SORCS1: variants seen among roughly 807,000 people sequenced by gnomAD.
SORCS1 encodes the protein VPS10 domain-containing receptor SorCS1.
SORCS1 carries 60 observed loss-of-function variants against 146.1 expected under a neutral mutation model. The observed-to-expected ratio is 0.41, with a 90% CI of 0.33 to 0.51. The LOEUF is 0.51. Among genes scored for constraint, SORCS1 ranks in the 20% least tolerant of loss-of-function variants. SORCS1 has a pLI of 0.21. For synonymous variants in SORCS1, 637 were observed against 584.0 expected, an observed-to-expected ratio of 1.09 and a Z score of -1.31; for missense variants, 1,352 against 1,487.6, an observed-to-expected ratio of 0.91 and a Z score of 1.50.
At chr10:107,007,376 A>C (rs1589913700) in intron 1 of SORCS1, among the ~76,000 whole-genome samples, 1 of 152,112 alleles carries the variant, frequency 6.6e-6, no homozygotes, top group Non-Finnish European at 1.5e-5. Flanking sequence ...CTGCCTTAAA[A>C]CCGAGCTGCC....
At chr10:106,622,018 G>A (rs1589496975) in intron 19 of SORCS1, among the ~76,000 whole-genome samples, 1 of 152,120 alleles carries the variant, frequency 6.6e-6, no homozygotes, top group Non-Finnish European at 1.5e-5. Context: ...GTGATGTGGT[G>A]TGGTGGCTCA....
intron 2 of SORCS1, among the ~76,000 whole-genome samples, chr10:106,834,092 C>A (rs1170389803): frequency 2.6e-5 from 4 of 152,092 alleles, no homozygotes; most frequent in African/African-American, 9.7e-5. Context: ...CACGCCCGGT[C>A]ATGGAAGGCA....
intron 2 of SORCS1, among the ~76,000 whole-genome samples, chr10:106,869,241 C>T (rs1950322743): frequency 6.6e-6 from 1 of 152,178 alleles, no homozygotes; most frequent in Non-Finnish European, 1.5e-5. Flanking sequence ...GATGGATTCA[C>T]AGCCAAATTC....
chr10:106,609,779 T>TGGA (rs1846852079), intron 22 of SORCS1, among the ~76,000 whole-genome samples: 1 of 152,162 alleles, frequency 6.6e-6, no homozygotes, highest in African/African-American at 2.4e-5. Context: ...GGTAGAAAGG[T>TGGA]GGAGGTACAG....
intron 19 of SORCS1, among the ~76,000 whole-genome samples, chr10:106,626,457 T>G (rs1324560338): frequency 6.6e-6 from 1 of 152,152 alleles, no homozygotes; most frequent in African/African-American, 2.4e-5. Flanking sequence ...TCCAGTGCTT[T>G]TCTTTCCCCT....
chr10:106,791,112 A>G (rs753089554), intron 3 of SORCS1, among the ~76,000 whole-genome samples: 10 of 151,126 alleles, frequency 6.6e-5, no homozygotes, highest in Non-Finnish European at 1.5e-4. Context: ...AGTGGGAGAA[A>G]GAGAAATTTA....
At chr10:106,950,128 C>T (rs1365771374) in intron 2 of SORCS1, among the ~76,000 whole-genome samples, 2 of 152,214 alleles carry the variant, frequency 1.3e-5, no homozygotes, top group Non-Finnish European at 2.9e-5. Context: ...AATTGTTCTG[C>T]ATCAAATCAT....
At chr10:107,154,313 T>C (rs886595932) in intron 1 of SORCS1, among the ~76,000 whole-genome samples, 5 of 152,164 alleles carry the variant, frequency 3.3e-5, no homozygotes, top group Admixed American at 6.5e-5. Context: ...TCCAGGTATA[T>C]TTCTAGGGAC....
Position 106,821,092 on chromosome 10 carries a change from G to C in SORCS1, c.726+8482C>G, listed in dbSNP as rs145039445. Among the ~76,000 whole-genome samples, 15 of 152,300 alleles carry C rather than the reference G, an allele frequency of 9.8e-5. No individual in the cohort carries two copies. The East Asian group carries it at 2.9e-3, about 29-fold the overall frequency. On this transcript the variant is annotated intron_variant, in intron 3 of 25. Transcript: ENST00000263054. Reference sequence around the variant, plus strand: ...CGCAGATAGTCTATTATGCTTACTTGAAGAATGGTCAGCTTCCAAAAGGTT... The same window carrying C: ...CGCAGATAGTCTATTATGCTTACTTCAAGAATGGTCAGCTTCCAAAAGGTT...
chr10:107,144,508 G>T (rs1968131701), intron 1 of SORCS1, among the ~76,000 whole-genome samples: 2 of 152,196 alleles, frequency 1.3e-5, no homozygotes, highest in Admixed American at 1.3e-4. Context: ...CAGCCACAGA[G>T]CTAGGCACAC....
chr10:106,947,569 C>G (rs111402333), intron 2 of SORCS1, among the ~76,000 whole-genome samples: 13 of 152,230 alleles, frequency 8.5e-5, no homozygotes, highest in African/African-American at 3.1e-4. Context: ...ACAGGCTGGG[C>G]GCGGTGGCTC....
intron 3 of SORCS1, among the ~76,000 whole-genome samples, chr10:106,808,390 C>T (rs1947292253): frequency 1.3e-5 from 2 of 152,190 alleles, no homozygotes; most frequent in Admixed American, 1.3e-4. Context: ...TCCTGGCCCT[C>T]ACTCCCATGC....
intron 1 of SORCS1, among the ~76,000 whole-genome samples, chr10:107,050,605 T>C (rs1370880557): frequency 6.6e-6 from 1 of 152,164 alleles, no homozygotes; most frequent in African/African-American, 2.4e-5. Flanking sequence ...AACTGAATTC[T>C]GTATAGAATT....
chr10:106,577,676 A>G (rs762807007), intron 25 of SORCS1, 121 bp from the exon 26 acceptor site: 5 of 1,497,122 alleles, frequency 3.3e-6, no homozygotes, highest in Non-Finnish European at 4.4e-6. Flanking sequence ...TTAATAAAGC[A>G]AACAGAGGCT....
chr10:106,621,253 C>G (rs1175025197), intron 19 of SORCS1, among the ~76,000 whole-genome samples: 1 of 152,128 alleles, frequency 6.6e-6, no homozygotes, highest in Non-Finnish European at 1.5e-5. Context: ...GTACCAACCT[C>G]ACAAAGATAT....
At chr10:106,970,487 C>T (rs1955729130) in intron 1 of SORCS1, among the ~76,000 whole-genome samples, 1 of 151,758 alleles carries the variant, frequency 6.6e-6, no homozygotes, top group Admixed American at 6.6e-5. Context: ...TACAGATACG[C>T]ACCACCACGC....
intron 24 of SORCS1, among the ~76,000 whole-genome samples, chr10:106,590,727 TC>T (rs1845550713): frequency 6.6e-6 from 1 of 152,222 alleles, no homozygotes; most frequent in African/African-American, 2.4e-5. Context: ...TGATCTCAGC[TC>T]ACTGCAACCT....
At chr10:107,144,895 A>C (rs1020343935) in intron 1 of SORCS1, among the ~76,000 whole-genome samples, 1 of 152,260 alleles carries the variant, frequency 6.6e-6, no homozygotes. Flanking sequence ...TATGTGTGAC[A>C]AATATCCACA....
chr10:106,989,184 C>T (rs1264071617), intron 1 of SORCS1, among the ~76,000 whole-genome samples: 5 of 142,710 alleles, frequency 3.5e-5, no homozygotes, highest in African/African-American at 5.2e-5. Context: ...GCAGGAAAAT[C>T]GCTTGAACCC....
Sources: gnomAD v4.1 joint callset for allele counts (sites outside exome capture counted in the v4.1 genomes callset) on GRCh38, gnomAD v4.1.1 for gene constraint, MANE v1.5 for transcripts, NCBI Gene and HGNC (gene_info 2026-07-23, HGNC 2026-07-21) for gene names.